MLLT10: variants seen among roughly 807,000 people sequenced by gnomAD.
MLLT10 encodes the protein protein AF-10.
MLLT10 carries 30 observed loss-of-function variants against 129.1 expected under a neutral mutation model. The observed-to-expected ratio is 0.23, with a 90% CI of 0.17 to 0.32. MLLT10 has a LOEUF of 0.32. Ranked by LOEUF, MLLT10 falls within the 10% of genes least tolerant of loss-of-function variation. MLLT10 has a pLI of 1.00. For synonymous variants in MLLT10, 490 were observed against 446.4 expected (o/e 1.10, Z -1.23); for missense variants, 1,119 against 1,268.3 (o/e 0.88, Z 1.79).
intron 9 of MLLT10, among the ~76,000 whole-genome samples, chr10:21,666,614 G>T (rs567082514): frequency 5.4e-4 from 81 of 151,340 alleles, no homozygotes; most frequent in African/African-American, 1.9e-3. Flanking sequence ...AGTGAGCTCA[G>T]ATCGCACTAC....
In MLLT10 at chr10:21,648,576, G is replaced by C. The variant is rs182008098; in HGVS notation, c.700-3097G>C. Among the ~76,000 whole-genome samples the C allele has an allele frequency of 3.8e-3, 576 of 152,210 alleles. 7 individuals carry two copies. Among genetic ancestry groups the C allele is most frequent in the African/African-American group, 0.013 (546 of 41,516 alleles). ...ATATAGAGTAAAGGAGGATAGAAAG[G>C]CTTCTTAATTATCTTTGTAGGGAGA... is the stretch of plus-strand genomic sequence containing the variant. On this transcript the variant is annotated intron_variant, in intron 8 of 22. Transcript: ENST00000307729.
intron 8 of MLLT10, among the ~76,000 whole-genome samples, chr10:21,618,476 G>A (rs1210321168): frequency 6.6e-6 from 1 of 152,008 alleles, no homozygotes; most frequent in Non-Finnish European, 1.5e-5. Flanking sequence ...CTGCACTCCA[G>A]CCTGGGCGAC....
intron 13 of MLLT10, among the ~76,000 whole-genome samples, chr10:21,685,338 A>T (rs1171919951): frequency 6.6e-6 from 1 of 152,080 alleles, no homozygotes; most frequent in African/African-American, 2.4e-5. Flanking sequence ...AGGAAAGATG[A>T]TTATTATTAT....
rs1589955338 is a variant in MLLT10, at chr10:21,742,098, A to G, written c.*115A>G. On this transcript the variant is annotated 3_prime_UTR_variant, in exon 23 of 23. Coordinates refer to ENST00000307729, the MANE Select transcript of MLLT10 (RefSeq NM_001195626.3). Reference sequence around the variant, plus strand: ...AACGCAACAAGAAACTCAATGCACAACAAAGGATTAATTGCTGCAAGGACA... The same window carrying G: ...AACGCAACAAGAAACTCAATGCACAGCAAAGGATTAATTGCTGCAAGGACA... 2.3e-6 allele frequency: 2 copies of G among 877,580 alleles called. No individual in the cohort carries two copies. Among genetic ancestry groups the G allele is most frequent in the South Asian group, 1.6e-5 (1 of 61,052 alleles). The allele number at this position is 877,580 out of a possible 1,614,324, so 54.4% of individuals were successfully genotyped here. A position where few individuals can be genotyped will look rare whatever the true frequency, so the allele number is the denominator to read the frequency against.
At chr10:21,673,318 C>CAAT in intron 10 of MLLT10, 32 bp from the exon 11 acceptor site, 1 of 307,342 alleles carries the variant, frequency 3.3e-6, no homozygotes, top group Non-Finnish European at 5.0e-6. Flanking sequence ...CACCCCCCAA[C>CAAT]TTTTTTTTTT....
At chr10:21,550,536 TTTTG>T (rs2036832022) in intron 3 of MLLT10, among the ~76,000 whole-genome samples, 2 of 152,106 alleles carry the variant, frequency 1.3e-5, no homozygotes. Flanking sequence ...TCCTTTAGCT[TTTTG>T]TTTGTTTTTG....
chr10:21,718,440 CTT>C (rs2131537536), intron 14 of MLLT10, among the ~76,000 whole-genome samples: 1 of 152,186 alleles, frequency 6.6e-6, no homozygotes, highest in Non-Finnish European at 1.5e-5. Context: ...TCTGTACTGT[CTT>C]TGGGAGAATG....
At chr10:21,564,208 C>T (rs141525379) in intron 3 of MLLT10, among the ~76,000 whole-genome samples, 85 of 152,212 alleles carry the variant, frequency 5.6e-4, no homozygotes, top group Middle Eastern at 3.4e-3. Context: ...CTTAACCCTC[C>T]GCGTAGCTGG....
Position 21,678,951 on chromosome 10 carries a change from C to A in MLLT10, c.1622-2381C>A, listed in dbSNP as rs146753493. The stretch of plus-strand genomic sequence containing the variant: ...GTAGAGTCAGGTTCTAATGTGATTC[C>A]CTCTTGAAATTATTGGCTAAAAGCA... On this transcript the variant is annotated intron_variant, in intron 11 of 22. Coordinates refer to ENST00000307729, the MANE Select transcript of MLLT10 (RefSeq NM_001195626.3). Among the ~76,000 whole-genome samples the A allele has an allele frequency of 1.2e-3, 187 of 152,130 alleles. 1 individual carries two copies. The highest frequency in any genetic ancestry group is 4.0e-3 in the African/African-American group (166 of 41,484).
chr10:21,634,617 G>T (rs2047294259), intron 8 of MLLT10, among the ~76,000 whole-genome samples: 1 of 152,184 alleles, frequency 6.6e-6, no homozygotes, highest in Non-Finnish European at 1.5e-5. Context: ...GCCTGAATCT[G>T]TTGTAACTTT....
chr10:21,608,716 G>A (rs994006262), intron 5 of MLLT10, among the ~76,000 whole-genome samples: 2 of 151,900 alleles, frequency 1.3e-5, no homozygotes, highest in East Asian at 1.9e-4. Context: ...AAAACCGTCC[G>A]TTAGGTTATG....
chr10:21,535,608 A>C (rs1227606630), intron 2 of MLLT10, among the ~76,000 whole-genome samples: 3 of 152,224 alleles, frequency 2.0e-5, no homozygotes, highest in Non-Finnish European at 2.9e-5. Context: ...GGCCGAGGAC[A>C]CTAGTAAGAT....
At chr10:21,658,830 A>AT (rs2049877937) in intron 9 of MLLT10, among the ~76,000 whole-genome samples, 1 of 151,878 alleles carries the variant, frequency 6.6e-6, no homozygotes, top group Non-Finnish European at 1.5e-5. Flanking sequence ...TGCCCGGCTA[A>AT]TTTTTTTGTA....
chr10:21,704,357 C>CTCTCTCTCTA (rs1343170893), intron 13 of MLLT10, among the ~76,000 whole-genome samples: 3 of 111,876 alleles, frequency 2.7e-5, no homozygotes, highest in African/African-American at 3.6e-5. Context: ...CTCTCTCTCT[C>CTCTCTCTCTA]TATATATATA....
intron 13 of MLLT10, among the ~76,000 whole-genome samples, chr10:21,702,778 T>C (rs1483780134): frequency 1.3e-5 from 2 of 152,194 alleles, no homozygotes; most frequent in African/African-American, 4.8e-5. Flanking sequence ...GCATAAAATA[T>C]CTTTTTTCAT....
intron 13 of MLLT10, among the ~76,000 whole-genome samples, chr10:21,713,002 TC>T (rs1376969578): frequency 2.0e-5 from 3 of 152,220 alleles, no homozygotes; most frequent in Non-Finnish European, 2.9e-5. Context: ...TTCCACCATT[TC>T]CCACCTTATT....
chr10:21,655,515 T>A (rs1344229704), intron 9 of MLLT10, among the ~76,000 whole-genome samples: 1 of 150,132 alleles, frequency 6.7e-6, no homozygotes, highest in Non-Finnish European at 1.5e-5. Context: ...TGAAATAGTC[T>A]TCTTTTGATT....
At chr10:21,727,003 C>T (rs973837582) in intron 15 of MLLT10, among the ~76,000 whole-genome samples, 3 of 152,116 alleles carry the variant, frequency 2.0e-5, no homozygotes, top group Non-Finnish European at 4.4e-5. Context: ...TAATGAGCCA[C>T]TGGATTTGCT....
At position 21,740,115 on chromosome 10, in the gene MLLT10, C is replaced by G. The variant is rs754175200; in HGVS notation, c.3041C>G (p.Pro1014Arg). ...CCTGAACTTCAGCAGCTGCAGATCC[C>G]TGGACCAACACAAATACCCATAAAC... Reference protein sequence around the residue: ...HQPELQQLQIPGPTQIPINNL... With the variant: ...HQPELQQLQIRGPTQIPINNL... Residue 1014 changes from proline (P) to arginine (R), a missense_variant, in exon 22 of 23, where the codon CCT (proline) becomes CGT (arginine). Coordinates refer to ENST00000307729, the MANE Select transcript of MLLT10 (RefSeq NM_001195626.3). 5 of 1,613,992 alleles carry G rather than the reference C, an allele frequency of 3.1e-6. No homozygotes were observed. The highest frequency in any genetic ancestry group is 4.2e-6 in the Non-Finnish European group (5 of 1,180,040).
Sources: gnomAD v4.1 joint callset for allele counts (sites outside exome capture counted in the v4.1 genomes callset) on GRCh38, gnomAD v4.1.1 for gene constraint, MANE v1.5 for transcripts, NCBI Gene and HGNC (gene_info 2026-07-23, HGNC 2026-07-21) for gene names.